ACVR1: variants seen among roughly 807,000 people sequenced by gnomAD.
ACVR1 encodes the protein activin A receptor type 1.
ACVR1 carries 38 observed loss-of-function variants against 57.1 expected under a neutral mutation model. The ratio of observed to expected loss-of-function variants is 0.67; its 90% CI spans 0.51 to 0.87. The LOEUF (loss-of-function observed/expected upper bound fraction) is 0.87, where lower values mean the gene tolerates loss of function less well. ACVR1 is among the 40% of genes least tolerant of loss of function. The pLI is 0.00. For synonymous variants in ACVR1, 212 were observed against 228.1 expected, an observed-to-expected ratio of 0.93 and a Z score of 0.63; for missense variants, 463 against 638.2, an observed-to-expected ratio of 0.73 and a Z score of 2.96.
chr2:157,774,741 T>C (rs1686212741), intron 5 of ACVR1, among the ~76,000 whole-genome samples: 1 of 152,222 alleles, frequency 6.6e-6, no homozygotes, highest in African/African-American at 2.4e-5. Flanking sequence ...GAAGGATAAG[T>C]AGTCCTTTCT....
At chr2:157,840,705 C>A (rs1688945079) in intron 1 of ACVR1, among the ~76,000 whole-genome samples, 1 of 152,256 alleles carries the variant, frequency 6.6e-6, no homozygotes, top group Non-Finnish European at 1.5e-5. Flanking sequence ...GTGAAGCCAG[C>A]TGAGAAAAAG....
chr2:157,817,029 G>A (rs942709155), intron 2 of ACVR1, among the ~76,000 whole-genome samples: 6 of 151,810 alleles, frequency 4.0e-5, no homozygotes, highest in African/African-American at 1.2e-4. Flanking sequence ...GTGCAATCAC[G>A]GCTCATTGAA....
intron 9 of ACVR1, among the ~76,000 whole-genome samples, chr2:157,759,807 C>T (rs1307752510): frequency 3.3e-5 from 5 of 151,992 alleles, no homozygotes; most frequent in Non-Finnish European, 7.4e-5. Context: ...TTAATTAATG[C>T]GATACATCAC....
At chr2:157,799,624 G>T in intron 2 of ACVR1, 124 bp from the exon 3 acceptor site, 1 of 721,950 alleles carries the variant, frequency 1.4e-6, no homozygotes, top group Non-Finnish European at 2.5e-6. Flanking sequence ...CAGATATATT[G>T]CCTTACTTCT....
Position 157,750,291 on chromosome 2 carries a change from C to T in ACVR1, c.1264+10589G>A, listed in dbSNP as rs1487785952. Among the ~76,000 whole-genome samples the T allele has an allele frequency of 3.9e-5, 6 of 152,322 alleles. No homozygotes were observed. The East Asian group carries it at 1.2e-3, about 29-fold the overall frequency. On this transcript the variant is annotated intron_variant, in intron 9 of 10. Coordinates refer to ENST00000434821, the MANE Select transcript of ACVR1 (RefSeq NM_001111067.4). ...CCATTGCTGGCCCTTGAGCAAGATG[C>T]CTGGAGACACAAGGATGAGTCCATT...
intron 1 of ACVR1, among the ~76,000 whole-genome samples, chr2:157,842,719 A>T (rs544520560): frequency 6.6e-6 from 1 of 152,340 alleles, no homozygotes; most frequent in South Asian, 2.1e-4. Context: ...CTCAATTTCT[A>T]GCATTTTATG....
chr2:157,833,999 GT>G (rs1688684622), intron 1 of ACVR1, among the ~76,000 whole-genome samples: 1 of 152,160 alleles, frequency 6.6e-6, no homozygotes, highest in East Asian at 1.9e-4. Flanking sequence ...ATTTAGACTG[GT>G]TTAACACAAC....
intron 3 of ACVR1, among the ~76,000 whole-genome samples, chr2:157,797,446 C>T (rs1687164043): frequency 6.6e-6 from 1 of 152,142 alleles, no homozygotes; most frequent in South Asian, 2.1e-4. Context: ...GAGATTCCTA[C>T]AATAAGCACC....
chr2:157,830,624 G>C (rs981005269), intron 1 of ACVR1, among the ~76,000 whole-genome samples: 3 of 150,530 alleles, frequency 2.0e-5, no homozygotes, highest in Admixed American at 1.3e-4. Context: ...TATACACACA[G>C]AGAGAGAAAA....
intron 1 of ACVR1, among the ~76,000 whole-genome samples, chr2:157,835,949 C>A (rs1230078365): frequency 2.0e-5 from 3 of 152,208 alleles, no homozygotes; most frequent in African/African-American, 7.2e-5. Context: ...CGCAGACAAG[C>A]ATCTATCAAG....
At chr2:157,830,959 TCTCA>T (rs1175458391) in intron 1 of ACVR1, among the ~76,000 whole-genome samples, 1 of 152,072 alleles carries the variant, frequency 6.6e-6, no homozygotes, top group Admixed American at 6.6e-5. Context: ...AGAAACAGGG[TCTCA>T]CTCTGTTGCT....
At chr2:157,873,342 A>G (rs545354938) in intron 1 of ACVR1, among the ~76,000 whole-genome samples, 1 of 152,334 alleles carries the variant, frequency 6.6e-6, no homozygotes, top group South Asian at 2.1e-4. Flanking sequence ...TGGAAATGTC[A>G]TGAAAAAGTA....
At chr2:157,775,808 C>T (rs1686259701) in intron 5 of ACVR1, among the ~76,000 whole-genome samples, 1 of 152,104 alleles carries the variant, frequency 6.6e-6, no homozygotes, top group Non-Finnish European at 1.5e-5. Flanking sequence ...GTTCACAGAC[C>T]TAAGGAAAGA....
intron 9 of ACVR1, among the ~76,000 whole-genome samples, chr2:157,741,006 T>C (rs1684736027): frequency 6.6e-6 from 1 of 152,190 alleles, no homozygotes; most frequent in Admixed American, 6.5e-5. Flanking sequence ...CTCCCTCTGA[T>C]CAAGCAATAA....
intron 2 of ACVR1, among the ~76,000 whole-genome samples, chr2:157,807,576 T>TTA (rs1687595485): frequency 1.3e-5 from 2 of 152,066 alleles, no homozygotes; most frequent in East Asian, 3.9e-4. Context: ...TTTTTTTTTT[T>TTA]ACCTATTGGT....
chr2:157,810,012 G>T (rs113077985), intron 2 of ACVR1, among the ~76,000 whole-genome samples: 3,483 of 152,162 alleles, frequency 0.023, 130 homozygotes, highest in African/African-American at 0.079. Context: ...GGAGTTCAAG[G>T]TTACACTGAG....
intron 2 of ACVR1, among the ~76,000 whole-genome samples, chr2:157,810,291 A>G (rs553840116): frequency 1.3e-5 from 2 of 152,328 alleles, no homozygotes; most frequent in East Asian, 3.9e-4. Context: ...GAGGTTCTAC[A>G]TATACAAGAC....
At chr2:157,761,789 A>T (rs1290381509) in intron 8 of ACVR1, among the ~76,000 whole-genome samples, 1 of 152,236 alleles carries the variant, frequency 6.6e-6, no homozygotes, top group African/African-American at 2.4e-5. Context: ...AGACACATAC[A>T]TGCATGCTTT....
intron 9 of ACVR1, among the ~76,000 whole-genome samples, chr2:157,755,893 T>C (rs1685407835): frequency 6.6e-6 from 1 of 151,832 alleles, no homozygotes; most frequent in African/African-American, 2.4e-5. Flanking sequence ...CTGGAAATAA[T>C]ACATTACCTG....
Sources: gnomAD v4.1 joint callset for allele counts (sites outside exome capture counted in the v4.1 genomes callset) on GRCh38, gnomAD v4.1.1 for gene constraint, MANE v1.5 for transcripts, NCBI Gene and HGNC (gene_info 2026-07-23, HGNC 2026-07-21) for gene names.